CFAP221: variants seen among roughly 807,000 people sequenced by gnomAD.
CFAP221 encodes cilia and flagella associated protein 221.
CFAP221 carries 97 observed loss-of-function variants against 113.1 expected under a neutral mutation model. That is an observed-to-expected ratio of 0.86 (90% CI 0.73 to 1.02). The LOEUF is 1.02. Among genes scored for constraint, CFAP221 ranks in the 50% least tolerant of loss-of-function variants. CFAP221 has a pLI of 0.00. For synonymous variants in CFAP221, 331 were observed against 354.4 expected, an observed-to-expected ratio of 0.93 and a Z score of 0.74; for missense variants, 1,025 against 1,013.4, an observed-to-expected ratio of 1.01 and a Z score of -0.16.
intron 13 of CFAP221, among the ~76,000 whole-genome samples, chr2:119,614,875 C>T (rs1479631233): frequency 1.3e-5 from 2 of 152,240 alleles, no homozygotes; most frequent in African/African-American, 4.8e-5. Flanking sequence ...TGCCCTCCTC[C>T]TCACTAGATT....
Position 119,549,154 on chromosome 2 carries a change from A to G in CFAP221, c.209A>G (p.Tyr70Cys), listed in dbSNP as rs1432756429. The G allele has an allele frequency of 1.7e-5, 26 of 1,534,934 alleles. No individual in the cohort carries two copies. The highest frequency in any genetic ancestry group is 1.2e-5 in the Non-Finnish European group (14 of 1,146,622). Residue 70 changes from tyrosine (Y) to cysteine (C), a missense_variant, in exon 3 of 24, where the codon TAT becomes TGT. Physicochemically the swap from Tyr to Cys is radical, Grantham distance 194. Coordinates refer to ENST00000413369, the MANE Select transcript of CFAP221 (RefSeq NM_001271049.2). Reference protein sequence around the residue: ...ARPGIIHFGGYQVEKQHQQIL... With the variant: ...ARPGIIHFGGCQVEKQHQQIL... Reference sequence around the variant, plus strand: ...CCTGGCATAATACATTTTGGAGGCTATCAAGTAGAAAAACAACACCAACAG... The same window carrying G: ...CCTGGCATAATACATTTTGGAGGCTGTCAAGTAGAAAAACAACACCAACAG...
Position 119,647,627 on chromosome 2 carries a change from TAC to T in CFAP221, c.2318+578_2318+579del, listed in dbSNP as rs546926592. On this transcript the variant is annotated intron_variant, in intron 22 of 23. Coordinates refer to ENST00000413369, the MANE Select transcript of CFAP221 (RefSeq NM_001271049.2). ...CATTCGTACGTCCAGCTCACACGTG[TAC>T]GTCCAGCTGGCTCACCTGGCATTGC... Among the ~76,000 whole-genome samples, 413 of 152,302 alleles carry T rather than the reference TAC, an allele frequency of 2.7e-3. 3 individuals carry two copies. The highest frequency in any genetic ancestry group is 9.5e-3 in the African/African-American group (396 of 41,562).
At chr2:119,606,314 C>A (rs986731990) in intron 11 of CFAP221, among the ~76,000 whole-genome samples, 5 of 151,892 alleles carry the variant, frequency 3.3e-5, no homozygotes, top group African/African-American at 1.2e-4. Flanking sequence ...GTAAACTGGG[C>A]TGAAAAAGAG....
Position 119,546,149 on chromosome 2 carries a change from C to G in CFAP221, c.18C>G (p.Thr6=), listed in dbSNP as rs547301889. MAVVK[T]PSRGLKNAKE... ...ATGATAAAATGGCAGTGGTGAAAAC[C>G]CCCAGCAGAGGACTAAAGAATGCTA... The change falls in exon 2 of 24, where the codon ACC becomes ACG. Residue 6 remains threonine (T), a synonymous_variant. Coordinates refer to ENST00000413369, the MANE Select transcript of CFAP221 (RefSeq NM_001271049.2). 1 of 1,533,804 alleles carries G rather than the reference C, an allele frequency of 6.5e-7. No homozygotes were observed. Among genetic ancestry groups the G allele is most frequent in the African/African-American group, 1.4e-5 (1 of 72,914 alleles).
chr2:119,585,054 T>G (rs1237428887), intron 6 of CFAP221, among the ~76,000 whole-genome samples: 1 of 151,626 alleles, frequency 6.6e-6, no homozygotes. Flanking sequence ...AACAGGAGAG[T>G]GGCTGAATAA....
chr2:119,624,435 G>A (rs1037081995), intron 14 of CFAP221, among the ~76,000 whole-genome samples: 1 of 152,216 alleles, frequency 6.6e-6, no homozygotes, highest in Non-Finnish European at 1.5e-5. Context: ...CTGTAAATTA[G>A]TTCAACCATT....
intron 19 of CFAP221, among the ~76,000 whole-genome samples, chr2:119,631,976 C>T (rs534366928): frequency 6.6e-6 from 1 of 152,194 alleles, no homozygotes; most frequent in African/African-American, 2.4e-5. Context: ...GATAAATAGC[C>T]AAAATAGCTT....
intron 6 of CFAP221, among the ~76,000 whole-genome samples, chr2:119,568,706 T>A (rs1025501627): frequency 6.6e-6 from 1 of 152,224 alleles, no homozygotes; most frequent in Non-Finnish European, 1.5e-5. Flanking sequence ...TTCCATGGTG[T>A]ATACGTACCA....
intron 6 of CFAP221, among the ~76,000 whole-genome samples, chr2:119,570,142 A>T (rs764823529): frequency 6.6e-6 from 1 of 152,202 alleles, no homozygotes; most frequent in East Asian, 1.9e-4. Flanking sequence ...GCAGGAGGGT[A>T]TTCTACAATC....
downstream of CFAP221, among the ~76,000 whole-genome samples, chr2:119,659,806 G>T (rs961488636): frequency 6.6e-6 from 1 of 152,142 alleles, no homozygotes; most frequent in Non-Finnish European, 1.5e-5. Flanking sequence ...GTTTCCCCAG[G>T]CCTCTGCCCC....
At chr2:119,656,242 CCTT>C (rs1451769606) in intron 23 of CFAP221, 117 bp from the exon 24 acceptor site, 65 of 708,590 alleles carry the variant, frequency 9.2e-5, no homozygotes, top group Non-Finnish European at 1.1e-4. Context: ...GTGGTGAAAA[CCTT>C]CTTTGTATAT....
At chr2:119,575,077 C>T (rs1218514368) in intron 6 of CFAP221, among the ~76,000 whole-genome samples, 1 of 152,134 alleles carries the variant, frequency 6.6e-6, no homozygotes, top group African/African-American at 2.4e-5. Context: ...TCATTTAGCT[C>T]TGAGGAAGTG....
At chr2:119,653,676 T>A (rs1356505147) in intron 23 of CFAP221, among the ~76,000 whole-genome samples, 1 of 152,192 alleles carries the variant, frequency 6.6e-6, no homozygotes, top group East Asian at 1.9e-4. Flanking sequence ...TAGGATAAAT[T>A]CTAGATCAAT....
At chr2:119,569,840 C>A (rs1331766003) in intron 6 of CFAP221, among the ~76,000 whole-genome samples, 2 of 152,144 alleles carry the variant, frequency 1.3e-5, no homozygotes, top group Non-Finnish European at 2.9e-5. Flanking sequence ...ACTAGAATTT[C>A]TTTTTGGTTC....
Position 119,546,170 on chromosome 2 carries a change from T to G in CFAP221, c.39T>G (p.Asn13Lys), listed in dbSNP as rs1680036519. Residue 13 changes from asparagine to lysine, a missense_variant, in exon 2 of 24, where the codon AAT becomes AAG. Coordinates refer to ENST00000413369, the MANE Select transcript of CFAP221 (RefSeq NM_001271049.2). ...AAACCCCCAGCAGAGGACTAAAGAA[T>G]GCTAAAGAACCCTTTAATAATGCAT... ...VVKTPSRGLK[N>K]AKEPFNNASP... 1 of 1,535,476 alleles carries G rather than the reference T, an allele frequency of 6.5e-7. No homozygotes were observed. Among genetic ancestry groups the G allele is most frequent in the Admixed American group, 2.0e-5 (1 of 50,880 alleles).
In CFAP221 at chr2:119,559,969, T is replaced by TA; in HGVS notation, c.370dup (p.Thr124AsnfsTer6). ...CTGGCTTGTCCCTCACGGTCACCGT[T>TA]ACATTTTCTCCAGATGAGTGGCGAT... On this transcript the variant is annotated frameshift_variant, in exon 5 of 24. Coordinates refer to ENST00000413369, the MANE Select transcript of CFAP221 (RefSeq NM_001271049.2). LOFTEE classifies it high-confidence loss of function. 1 of 1,535,606 alleles carries TA rather than the reference T, an allele frequency of 6.5e-7. No homozygotes were observed. The highest frequency in any genetic ancestry group is 8.7e-7 in the Non-Finnish European group (1 of 1,146,810).
chr2:119,558,615 C>T (rs554791570), intron 3 of CFAP221, among the ~76,000 whole-genome samples: 6 of 152,068 alleles, frequency 3.9e-5, no homozygotes, highest in South Asian at 4.2e-4. Context: ...CCCAGGAGTT[C>T]GAGACCAGCC....
At chr2:119,566,650 C>G (rs1681656831) in intron 6 of CFAP221, among the ~76,000 whole-genome samples, 1 of 152,190 alleles carries the variant, frequency 6.6e-6, no homozygotes, top group African/African-American at 2.4e-5. Flanking sequence ...TAGAAATGTG[C>G]ACCTCTGAGT....
chr2:119,622,899 C>T (rs1686034737), intron 14 of CFAP221, among the ~76,000 whole-genome samples: 1 of 152,116 alleles, frequency 6.6e-6, no homozygotes, highest in Admixed American at 6.5e-5. Context: ...ATGACAAACC[C>T]ACAGCCAATA....
Sources: allele counts gnomAD v4.1 joint callset (sites outside exome capture counted in the v4.1 genomes callset), GRCh38; gene constraint gnomAD v4.1.1; transcripts MANE v1.5; gene names NCBI Gene and HGNC (gene_info 2026-07-23, HGNC 2026-07-21).